PLCB1: variants seen among roughly 807,000 people sequenced by gnomAD.
The protein encoded by PLCB1 is 1-phosphatidylinositol 4,5-bisphosphate phosphodiesterase beta-1.
In PLCB1, 46 loss-of-function variants were observed where a neutral mutation model predicts 161.8. That is an observed-to-expected ratio of 0.28 (90% confidence interval 0.22 to 0.36). The LOEUF is 0.36. PLCB1 is among the 10% of genes least tolerant of loss of function. The pLI is 1.00. For synonymous variants in PLCB1, 517 were observed against 503.7 expected (o/e 1.03, Z -0.35); for missense variants, 1,016 against 1,472.5 (o/e 0.69, Z 5.07).
rs148424008 is a variant in PLCB1 at position 8,574,901 on chromosome 20, G to A, written c.247-53393G>A. ...ATATAAAGGCTGATAGTTAGAAGTC[G>A]AGTCCAAATTCAATAAGATGGTAAA... On this transcript the variant is annotated intron_variant, in intron 3 of 31. Coordinates refer to ENST00000338037, the MANE Select transcript of PLCB1 (RefSeq NM_015192.4). Among the ~76,000 whole-genome samples the A allele has an allele frequency of 3.0e-4, 45 of 149,718 alleles. No homozygotes were observed. The East Asian group carries it at 7.5e-3, about 25-fold the overall frequency.
chr20:8,851,709 T>C (rs368675967), intron 31 of PLCB1, among the ~76,000 whole-genome samples: 2,616 of 56,716 alleles, frequency 0.046, 79 homozygotes, highest in African/African-American at 0.13. Flanking sequence ...ATTTCTTTTT[T>C]TGGTTTTTTT....
chr20:8,263,382 A>T (rs1265397977), intron 2 of PLCB1, among the ~76,000 whole-genome samples: 2 of 152,224 alleles, frequency 1.3e-5, no homozygotes, highest in South Asian at 4.1e-4. Context: ...TCAGATTGTG[A>T]CATTAAACAT....
chr20:8,688,570 C>A (rs1439242006), intron 10 of PLCB1, among the ~76,000 whole-genome samples: 2 of 152,118 alleles, frequency 1.3e-5, no homozygotes, highest in African/African-American at 4.8e-5. Flanking sequence ...TGTGGCTAGC[C>A]AATTACCCCA....
intron 2 of PLCB1, among the ~76,000 whole-genome samples, chr20:8,363,553 G>A (rs1275926214): frequency 6.6e-6 from 1 of 152,076 alleles, no homozygotes; most frequent in Non-Finnish European, 1.5e-5. Flanking sequence ...TGTCTGATTG[G>A]GAACCTTAAT....
At chr20:8,656,728 A>G (rs1444394681) in intron 7 of PLCB1, among the ~76,000 whole-genome samples, 3 of 151,646 alleles carry the variant, frequency 2.0e-5, no homozygotes, top group Non-Finnish European at 2.9e-5. Context: ...TTATGTTTTC[A>G]TTTTGACTAT....
chr20:8,456,135 G>A (rs1055660457), intron 3 of PLCB1, among the ~76,000 whole-genome samples: 2 of 152,176 alleles, frequency 1.3e-5, no homozygotes, highest in African/African-American at 4.8e-5. Context: ...TGCTATCACA[G>A]TGATTATTTT....
chr20:8,802,601 A>T (rs1984338271), intron 31 of PLCB1: 1 of 159,014 alleles, frequency 6.3e-6, no homozygotes, highest in Admixed American at 6.5e-5. Flanking sequence ...GGATCAAGTT[A>T]ACTCTCAAGG....
intron 18 of PLCB1, among the ~76,000 whole-genome samples, chr20:8,731,936 A>G (rs969445329): frequency 6.6e-6 from 1 of 152,058 alleles, no homozygotes; most frequent in African/African-American, 2.4e-5. Flanking sequence ...GTTAAATGAA[A>G]CTTTAGAATA....
At chr20:8,593,135 A>G (rs180694157) in intron 3 of PLCB1, among the ~76,000 whole-genome samples, 47 of 151,830 alleles carry the variant, frequency 3.1e-4, no homozygotes, top group Admixed American at 2.6e-3. Context: ...TTTTGCCCCA[A>G]CTCTCTCACT....
chr20:8,194,969 G>A (rs760903210), intron 2 of PLCB1, among the ~76,000 whole-genome samples: 1 of 151,998 alleles, frequency 6.6e-6, no homozygotes, highest in Non-Finnish European at 1.5e-5. Flanking sequence ...GACTGAGGAA[G>A]CAAACAAATT....
At chr20:8,184,579 T>A (rs2051880117) in intron 2 of PLCB1, among the ~76,000 whole-genome samples, 1 of 151,868 alleles carries the variant, frequency 6.6e-6, no homozygotes, top group Non-Finnish European at 1.5e-5. Context: ...CAATAATTTC[T>A]GAAATTCTTC....
At chr20:8,389,605 T>C (rs748860813) in intron 3 of PLCB1, among the ~76,000 whole-genome samples, 11 of 152,242 alleles carry the variant, frequency 7.2e-5, no homozygotes, top group Non-Finnish European at 1.0e-4. Context: ...TTGTTCTACA[T>C]GCAATGGTAC....
intron 3 of PLCB1, among the ~76,000 whole-genome samples, chr20:8,560,001 A>G (rs1986091677): frequency 6.6e-6 from 1 of 151,948 alleles, no homozygotes; most frequent in Non-Finnish European, 1.5e-5. Context: ...TAAGTTCTGG[A>G]GATACACATC....
chr20:8,654,540 G>A (rs1440311516), intron 7 of PLCB1, among the ~76,000 whole-genome samples: 1 of 151,956 alleles, frequency 6.6e-6, no homozygotes, highest in Non-Finnish European at 1.5e-5. Context: ...TCATAGTTCA[G>A]TAGAAAATAA....
intron 2 of PLCB1, among the ~76,000 whole-genome samples, chr20:8,241,671 C>T (rs966605618): frequency 6.6e-6 from 1 of 151,684 alleles, no homozygotes; most frequent in African/African-American, 2.4e-5. Flanking sequence ...GTTTGATTTC[C>T]GTATCAGGAA....
chr20:8,311,412 C>T (rs1984397726), intron 2 of PLCB1, among the ~76,000 whole-genome samples: 1 of 152,194 alleles, frequency 6.6e-6, no homozygotes, highest in Non-Finnish European at 1.5e-5. Context: ...AAGATATCTG[C>T]TTCCTGAAGC....
chr20:8,168,426 A>T (rs1237202323), intron 2 of PLCB1, among the ~76,000 whole-genome samples: 2 of 152,174 alleles, frequency 1.3e-5, no homozygotes, highest in Admixed American at 1.3e-4. Flanking sequence ...TATATGCCCA[A>T]TATTAGAGCA....
At chr20:8,686,831 T>C (rs1990370058) in intron 10 of PLCB1, among the ~76,000 whole-genome samples, 1 of 152,070 alleles carries the variant, frequency 6.6e-6, no homozygotes, top group African/African-American at 2.4e-5. Flanking sequence ...GCTCCAGAGA[T>C]GGAAACAGAC....
At chr20:8,663,689 A>C (rs1989741645) in intron 9 of PLCB1, among the ~76,000 whole-genome samples, 1 of 152,132 alleles carries the variant, frequency 6.6e-6, no homozygotes, top group African/African-American at 2.4e-5. Context: ...GTCACAGAGG[A>C]TACTATTCTC....
Sources: gnomAD v4.1 joint callset for allele counts (sites outside exome capture counted in the v4.1 genomes callset) on GRCh38, gnomAD v4.1.1 for gene constraint, MANE v1.5 for transcripts, NCBI Gene and HGNC (gene_info 2026-07-23, HGNC 2026-07-21) for gene names.